Variants in RIC1 observed in about 807,000 individuals in gnomAD.
RIC1 encodes RIC1 partner of RAB6A GEF complex, also known as guanine nucleotide exchange factor subunit RIC1.
A neutral mutation model predicts 169.0 loss-of-function variants in RIC1; 88 were observed. The ratio of observed to expected loss-of-function variants is 0.52; its 90% confidence interval spans 0.44 to 0.62. RIC1 has a LOEUF of 0.62. Among genes scored for constraint, RIC1 ranks in the 20% least tolerant of loss-of-function variants. The probability of loss-of-function intolerance (pLI) is 0.00; values close to 1 mark genes in which losing one functional copy is unlikely to be tolerated. For missense variants in RIC1, 1,877 were observed against 1,725.5 expected (o/e 1.09, Z -1.56); for synonymous variants, 790 against 601.5 (o/e 1.31, Z -4.59).
chr9:5,720,999 T>C (rs1196898557), intron 6 of RIC1, among the ~76,000 whole-genome samples: 1 of 152,234 alleles, frequency 6.6e-6, no homozygotes, highest in Non-Finnish European at 1.5e-5. Context: ...AACTACTTGT[T>C]ATTCCTTTAC....
At chr9:5,636,704 A>G (rs1190676796) in intron 1 of RIC1, among the ~76,000 whole-genome samples, 2 of 152,030 alleles carry the variant, frequency 1.3e-5, no homozygotes, top group Non-Finnish European at 2.9e-5. Flanking sequence ...ATATCTTGCA[A>G]CTTTACTAAA....
intron 2 of RIC1, among the ~76,000 whole-genome samples, chr9:5,686,426 A>C (rs1449330295): frequency 6.6e-6 from 1 of 152,114 alleles, no homozygotes; most frequent in Non-Finnish European, 1.5e-5. Flanking sequence ...GCACATATAC[A>C]CCATGGAATA....
intron 17 of RIC1, among the ~76,000 whole-genome samples, chr9:5,760,330 T>C (rs982633035): frequency 6.6e-6 from 1 of 152,220 alleles, no homozygotes; most frequent in Non-Finnish European, 1.5e-5. Context: ...GAGAGTGCTG[T>C]TGCAGTCATC....
At chr9:5,743,873 G>T in intron 10 of RIC1, 136 bp downstream of exon 10, 1 of 648,472 alleles carries the variant, frequency 1.5e-6, no homozygotes, top group East Asian at 2.8e-5. Context: ...AGCAGTGGCA[G>T]ATCATAGCTC....
chr9:5,773,372 TG>T (rs1197538339), intron 25 of RIC1, among the ~76,000 whole-genome samples: 1 of 152,192 alleles, frequency 6.6e-6, no homozygotes, highest in Non-Finnish European at 1.5e-5. Flanking sequence ...AGAATTAGAC[TG>T]GAACTTCAGA....
At chr9:5,765,166 A>G in intron 19 of RIC1, 1 of 357,356 alleles carries the variant, frequency 2.8e-6, no homozygotes, top group Non-Finnish European at 5.0e-6. Context: ...GGAGAAATAA[A>G]TGAAATGACT....
intron 12 of RIC1, among the ~76,000 whole-genome samples, chr9:5,750,726 G>C (rs1237832784): frequency 1.3e-5 from 2 of 151,604 alleles, no homozygotes; most frequent in Non-Finnish European, 2.9e-5. Context: ...CAGTGATGTG[G>C]CATGACTTCA....
At chr9:5,648,609 G>C (rs567976726) in intron 1 of RIC1, among the ~76,000 whole-genome samples, 23 of 152,148 alleles carry the variant, frequency 1.5e-4, no homozygotes, top group African/African-American at 5.3e-4. Flanking sequence ...ACTGTTTTTG[G>C]TAATGGCTGT....
intron 21 of RIC1, among the ~76,000 whole-genome samples, chr9:5,766,361 T>C (rs1401237912): frequency 6.6e-6 from 1 of 152,170 alleles, no homozygotes; most frequent in Non-Finnish European, 1.5e-5. Context: ...AACTTTTTTT[T>C]CCCATAAGTT....
chr9:5,683,501 C>G (rs1478317969), intron 2 of RIC1, among the ~76,000 whole-genome samples: 3 of 152,168 alleles, frequency 2.0e-5, no homozygotes, highest in Non-Finnish European at 2.9e-5. Context: ...GATCGTTGCT[C>G]TGGAAGTTTT....
At chr9:5,736,013 G>A (rs1300611197) in intron 7 of RIC1, among the ~76,000 whole-genome samples, 1 of 152,158 alleles carries the variant, frequency 6.6e-6, no homozygotes, top group Non-Finnish European at 1.5e-5. Context: ...GGTGAGAAAT[G>A]GAAGGAAAAG....
chr9:5,679,906 C>A (rs544276432), intron 2 of RIC1, among the ~76,000 whole-genome samples: 1 of 152,300 alleles, frequency 6.6e-6, no homozygotes, highest in African/African-American at 2.4e-5. Context: ...AGAGGGCATC[C>A]CTGTCTTGTG....
rs1327716443 is a variant in RIC1, at chr9:5,776,093, AAC to A, written c.*1850_*1851del. 3 of 152,162 alleles carry A rather than the reference AAC, an allele frequency of 2.0e-5. No homozygotes were observed. The highest frequency in any genetic ancestry group is 4.4e-5 in the Non-Finnish European group (3 of 68,002). The allele number at this position is 152,162 out of a possible 1,614,324, so 9.4% of individuals were successfully genotyped here. On this transcript the variant is annotated 3_prime_UTR_variant, in exon 26 of 26. Coordinates refer to ENST00000414202, the MANE Select transcript of RIC1 (RefSeq NM_020829.4). ...TGATCTTTTCAAGTATCTGAAATAA[AAC>A]ACTGTGCTGCTGAGTTCATCTCAAA...
intron 2 of RIC1, among the ~76,000 whole-genome samples, chr9:5,670,295 T>A (rs2130559127): frequency 6.6e-6 from 1 of 152,344 alleles, no homozygotes; most frequent in East Asian, 1.9e-4. Flanking sequence ...AGCAGGCGTC[T>A]GCCTGAACTA....
At chr9:5,754,799 TG>T in intron 14 of RIC1, 41 bp from the exon 15 acceptor site, 1 of 1,138,904 alleles carries the variant, frequency 8.8e-7, no homozygotes, top group Non-Finnish European at 1.3e-6. Context: ...TTATAATTTC[TG>T]GTAGCATAAG....
intron 19 of RIC1, 160 bp from the exon 20 acceptor site, chr9:5,765,254 C>A: frequency 1.4e-6 from 1 of 690,602 alleles, no homozygotes; most frequent in Non-Finnish European, 2.4e-6. Context: ...GAGTACTTGC[C>A]TCGCTTTTCC....
chr9:5,732,894 T>C (rs1229040681), intron 7 of RIC1, among the ~76,000 whole-genome samples: 1 of 152,150 alleles, frequency 6.6e-6, no homozygotes, highest in African/African-American at 2.4e-5. Flanking sequence ...AGTGCACATA[T>C]AAAACCAGTT....
rs185211284 is a variant in RIC1 at position 5,750,261 on chromosome 9, G to T, written c.1452+2756G>T. ...AGACTGCCATTTATTTTAATGCTCA[G>T]TATTTTGTATGATGTAAGCATTTAC... On this transcript the variant is annotated intron_variant, in intron 12 of 25. Coordinates refer to ENST00000414202, the MANE Select transcript of RIC1 (RefSeq NM_020829.4). 4.0e-4 allele frequency among the ~76,000 whole-genome samples: 61 copies of T among 152,012 alleles called. 1 individual carries two copies. The highest frequency in any genetic ancestry group is 7.4e-4 in the Non-Finnish European group (50 of 68,016).
chr9:5,667,978 G>C (rs539305318), intron 2 of RIC1, among the ~76,000 whole-genome samples: 1 of 152,174 alleles, frequency 6.6e-6, no homozygotes. Context: ...CCAAGACTGG[G>C]TAATTTATAA....
Sources: gnomAD v4.1 joint callset for allele counts (sites outside exome capture counted in the v4.1 genomes callset) on GRCh38, gnomAD v4.1.1 for gene constraint, MANE v1.5 for transcripts, NCBI Gene and HGNC (gene_info 2026-07-23, HGNC 2026-07-21) for gene names.